The following MROH7 variants were observed in gnomAD, a reference collection of about 807,000 sequenced individuals.
MROH7 encodes maestro heat-like repeat-containing protein family member 7.
In MROH7, 113 loss-of-function variants were observed where a neutral mutation model predicts 129.2. That is an observed-to-expected ratio of 0.87 (90% CI 0.75 to 1.02). MROH7 has a LOEUF of 1.02. Ranked by LOEUF, MROH7 falls within the 50% of genes least tolerant of loss-of-function variation. MROH7 has a pLI of 0.00. For synonymous variants in MROH7, 655 were observed against 667.9 expected (o/e 0.98, Z 0.30); for missense variants, 1,601 against 1,671.3 (o/e 0.96, Z 0.73).
In MROH7 at chr1:54,679,746, T is replaced by C; in HGVS notation, c.2227-145T>C. The C allele has an allele frequency of 4.9e-6, 4 of 822,354 alleles. No individual in the cohort carries two copies. In the South Asian group the frequency reaches 6.7e-5, roughly 14 times the overall value. 50.9% of individuals were successfully genotyped at this position (822,354 alleles called of 1,614,324 possible). ...CACTCCCAGGGAGGGGCAGGCGCTC[T>C]GCTTGCCTCTTCCTCTCTCTCTCCT... On this transcript the variant is annotated intron_variant, in intron 12 of 23. Transcript: ENST00000421030.
At position 54,647,696 on chromosome 1, in the gene MROH7, TGCCATTGCACTCCA is replaced by T. The variant is rs543404118; in HGVS notation, c.-109-4249_-109-4236del. Among the ~76,000 whole-genome samples the T allele has an allele frequency of 7.6e-3, 1,142 of 150,656 alleles. 11 individuals carry two copies. Among genetic ancestry groups the T allele is most frequent in the African/African-American group, 0.027 (1,101 of 41,016 alleles). ...CGGAGGTTGCAGTGAGCTGAGGTCG[TGCCATTGCACTCCA>T]GCCTGGGCAACAAGGGTGAAACTCT... is the stretch of plus-strand genomic sequence containing the variant. On this transcript the variant is annotated intron_variant, in intron 1 of 23. Transcript: ENST00000421030.
intron 18 of MROH7, 126 bp from the exon 19 acceptor site, chr1:54,701,017 G>A: frequency 1.0e-6 from 1 of 1,004,948 alleles, no homozygotes; most frequent in East Asian, 2.6e-5. Flanking sequence ...CAGGTGGGAT[G>A]GCATAGGCCA....
intron 15 of MROH7, among the ~76,000 whole-genome samples, chr1:54,691,802 A>AGTGTGTGTG (rs1379637571): frequency 4.4e-5 from 4 of 90,780 alleles, no homozygotes; most frequent in East Asian, 1.2e-3. Context: ...AAAAAAAAAA[A>AGTGTGTGTG]AGTGTGTGTG....
intron 22 of MROH7, 49 bp downstream of exon 22, chr1:54,706,586 C>A: frequency 7.0e-7 from 1 of 1,427,102 alleles, no homozygotes. Context: ...TCTGCCTGCT[C>A]TCCAGTTTGT....
rs1291826090 is a variant in MROH7, at chr1:54,703,901, C to T, written c.3564+1156C>T. On this transcript the variant is annotated intron_variant, in intron 21 of 23. Transcript: ENST00000421030. This position sits in a 1 kb window ranked among gnomAD's most constrained non-coding sequence, Gnocchi z 4.4. ...ACTGCCACGAGATTCCCAAATTTGG[C>T]CTGGGGGTCAGGTCTGTACACTCCT... Among the ~76,000 whole-genome samples, 1 of 152,130 alleles carries T rather than the reference C, an allele frequency of 6.6e-6. No homozygotes were observed. Among genetic ancestry groups the T allele is most frequent in the African/African-American group, 2.4e-5 (1 of 41,438 alleles).
rs1172861412 is a variant in MROH7 at position 54,665,240 on chromosome 1, G to C, written c.1305G>C (p.Leu435=). The change falls in exon 4 of 24, where the codon CTG becomes CTC. Residue 435 remains leucine (L), a splice_region_variant and synonymous_variant. Coordinates refer to ENST00000421030, the MANE Select transcript of MROH7 (RefSeq NM_001039464.4). ...EKTEGGNNMA[L]VENVTTLQKS... is the part of the protein sequence containing the mutation. ...CAGAAGGTGGCAACAACATGGCTCT[G>C]GTATGCCTCCTGCCCAACCCCTAGC... is the stretch of plus-strand genomic sequence containing the variant. 1 of 1,613,138 alleles carries C rather than the reference G, an allele frequency of 6.2e-7. No individual in the cohort carries two copies. The highest frequency in any genetic ancestry group is 8.5e-7 in the Non-Finnish European group (1 of 1,179,368).
At chr1:54,685,054 C>T (rs911367521) in intron 14 of MROH7, among the ~76,000 whole-genome samples, 2 of 151,712 alleles carry the variant, frequency 1.3e-5, no homozygotes, top group Non-Finnish European at 2.9e-5. Flanking sequence ...CTCTATCACC[C>T]AGGTTGTTGG....
intron 2 of MROH7, 118 bp from the exon 3 acceptor site, chr1:54,652,735 C>T (rs1268303996): frequency 3.0e-6 from 2 of 657,318 alleles, no homozygotes; most frequent in Admixed American, 6.8e-5. Flanking sequence ...GTGGGCTGGG[C>T]ACAGTCACCA....
chr1:54,653,386 A>C lies in MROH7; in HGVS notation c.460A>C (p.Lys154Gln), dbSNP rs752529386. 6.2e-7 allele frequency: 1 copy of C among 1,614,224 alleles called. No homozygotes were observed. Among genetic ancestry groups the C allele is most frequent in the Non-Finnish European group, 8.5e-7 (1 of 1,180,038 alleles). The change falls in exon 3 of 24, where the codon AAG (lysine) becomes CAG (glutamine). Residue 154 changes from lysine to glutamine, a missense_variant. Transcript: ENST00000421030. ...HPQSNSEDAF[K>Q]CLSSKIFKLG... Reference sequence around the variant, plus strand: ...TCAGTCAAATTCTGAAGATGCCTTCAAGTGCCTCTCAAGTAAGATTTTCAA... The same window carrying C: ...TCAGTCAAATTCTGAAGATGCCTTCCAGTGCCTCTCAAGTAAGATTTTCAA...
intron 12 of MROH7, 116 bp from the exon 13 acceptor site, chr1:54,679,775 G>A: frequency 5.0e-6 from 5 of 1,004,806 alleles, no homozygotes; most frequent in Non-Finnish European, 7.4e-6. Flanking sequence ...CTCTCCTTTG[G>A]GCCTTCTCCC....
chr1:54,670,742 T>C (rs1298565937), intron 6 of MROH7, 58 bp from the exon 7 acceptor site: 9 of 1,467,576 alleles, frequency 6.1e-6, no homozygotes, highest in African/African-American at 3.0e-5. Context: ...TCAGCCCCCG[T>C]CTATAGCCAT....
At chr1:54,662,923 A>T (rs548269299) in intron 3 of MROH7, among the ~76,000 whole-genome samples, 5 of 152,286 alleles carry the variant, frequency 3.3e-5, no homozygotes, top group African/African-American at 1.2e-4. Flanking sequence ...GATTTGTCTG[A>T]TGCTTGCTCA....
At chr1:54,669,524 G>T (rs192616248) in intron 5 of MROH7, among the ~76,000 whole-genome samples, 26 of 152,292 alleles carry the variant, frequency 1.7e-4, no homozygotes, top group Admixed American at 1.0e-3. Context: ...GAAGCAATTA[G>T]AAGGACATAC....
intron 15 of MROH7, among the ~76,000 whole-genome samples, chr1:54,690,857 C>T (rs1260535848): frequency 2.0e-5 from 3 of 152,156 alleles, no homozygotes; most frequent in Admixed American, 6.5e-5. Context: ...CCCTTTTGAG[C>T]TCTGGAGCTC....
chr1:54,699,138 C>CT (rs796670473), intron 17 of MROH7: 48 of 97,706 alleles, frequency 4.9e-4, no homozygotes, highest in African/African-American at 1.0e-3. Flanking sequence ...TTCTTTCTTT[C>CT]TTTCTTTCTT....
chr1:54,690,947 G>T (rs1169591581), intron 15 of MROH7, among the ~76,000 whole-genome samples: 1 of 152,110 alleles, frequency 6.6e-6, no homozygotes, highest in Non-Finnish European at 1.5e-5. Context: ...AGGGGAGGGT[G>T]GTCCAGTCAC....
At chr1:54,683,705 C>T (rs954235742) in intron 14 of MROH7, among the ~76,000 whole-genome samples, 7 of 152,158 alleles carry the variant, frequency 4.6e-5, no homozygotes, top group East Asian at 1.9e-4. Context: ...TCCAGCCTCA[C>T]GGGTCTTTGT....
At chr1:54,691,838 A>G (rs977060819) in intron 15 of MROH7, among the ~76,000 whole-genome samples, 4 of 112,182 alleles carry the variant, frequency 3.6e-5, no homozygotes, top group Middle Eastern at 4.7e-3. Flanking sequence ...GTGTGTGTGT[A>G]TCTAGAAACC....
chr1:54,655,411 C>A (rs933604544), intron 3 of MROH7, among the ~76,000 whole-genome samples: 2 of 152,000 alleles, frequency 1.3e-5, no homozygotes, highest in African/African-American at 4.8e-5. Context: ...CACTCTGTTG[C>A]CCAGGCTGGA....
Sources: allele counts gnomAD v4.1 joint callset (sites outside exome capture counted in the v4.1 genomes callset), GRCh38; gene constraint gnomAD v4.1.1; non-coding constraint Gnocchi (gnomAD v3.1); transcripts MANE v1.5; gene names NCBI Gene and HGNC (gene_info 2026-07-23, HGNC 2026-07-21).